The following HADH variants were observed in gnomAD, a reference collection of about 807,000 sequenced individuals.
HADH encodes the protein hydroxyacyl-CoA dehydrogenase.
HADH carries 24 observed loss-of-function variants against 32.2 expected under a neutral mutation model. The ratio of observed to expected loss-of-function variants is 0.75; its 90% CI spans 0.54 to 1.05. The LOEUF (loss-of-function observed/expected upper bound fraction) is 1.05, where lower values mean the gene tolerates loss of function less well. Ranked by LOEUF, HADH falls within the 50% of genes least tolerant of loss-of-function variation. The pLI is 0.00. For missense variants in HADH, 350 were observed against 397.1 expected, an observed-to-expected ratio of 0.88 and a Z score of 1.01; for synonymous variants, 139 against 152.5, an observed-to-expected ratio of 0.91 and a Z score of 0.65.
chr4:108,028,789 A>G (rs1317384365), intron 6 of HADH: 2 of 397,762 alleles, frequency 5.0e-6, no homozygotes, highest in Non-Finnish European at 8.9e-6. Flanking sequence ...TTTAGAATGT[A>G]GCATGTGAGA....
intron 3 of HADH, among the ~76,000 whole-genome samples, chr4:108,016,352 G>C (rs1207565747): frequency 6.6e-6 from 1 of 152,234 alleles, no homozygotes; most frequent in African/African-American, 2.4e-5. Context: ...GAGATGGGTG[G>C]CCTTGTGGCC....
At chr4:108,033,349 T>C (rs1001570147) in intron 7 of HADH, 57 bp downstream of exon 7, 3 of 899,096 alleles carry the variant, frequency 3.3e-6, no homozygotes, top group South Asian at 2.6e-5. Context: ...GAACTGTAAA[T>C]TATAATGCCT....
chr4:108,023,336 T>G, intron 4 of HADH, 138 bp from the exon 5 acceptor site: 15 of 658,956 alleles, frequency 2.3e-5, no homozygotes, highest in Non-Finnish European at 2.5e-5. Context: ...GTTTCTGGCT[T>G]GAGATTCCTA....
chr4:107,997,137 T>C (rs1444544181), intron 1 of HADH, among the ~76,000 whole-genome samples: 1 of 152,250 alleles, frequency 6.6e-6, no homozygotes, highest in African/African-American at 2.4e-5. Context: ...CAGGCCTTGC[T>C]GTTAAGGCGC....
At chr4:108,008,603 T>C (rs1735367629) in intron 1 of HADH, among the ~76,000 whole-genome samples, 1 of 152,166 alleles carries the variant, frequency 6.6e-6, no homozygotes, top group Non-Finnish European at 1.5e-5. Context: ...ATCACGACCA[T>C]GGTTTGGGAC....
At chr4:108,008,477 A>G (rs945704988) in intron 1 of HADH, among the ~76,000 whole-genome samples, 2 of 152,164 alleles carry the variant, frequency 1.3e-5, no homozygotes, top group African/African-American at 4.8e-5. Context: ...TTCTTTGGAA[A>G]TCTTGCCTTG....
At chr4:108,004,230 G>A (rs578129731) in intron 1 of HADH, among the ~76,000 whole-genome samples, 14 of 152,328 alleles carry the variant, frequency 9.2e-5, no homozygotes, top group African/African-American at 3.1e-4. Context: ...CACCTTACAA[G>A]GCAGGTGTTG....
At chr4:108,012,060 T>TA (rs1005514273) in intron 2 of HADH, among the ~76,000 whole-genome samples, 124 of 151,240 alleles carry the variant, frequency 8.2e-4, no homozygotes, top group African/African-American at 2.7e-3. Flanking sequence ...CCCAGCTAAT[T>TA]AAAAAAAAAA....
chr4:108,012,167 G>C (rs751455895), intron 2 of HADH, among the ~76,000 whole-genome samples: 48 of 151,910 alleles, frequency 3.2e-4, no homozygotes, highest in Non-Finnish European at 6.2e-4. Context: ...AAAGTGCTGG[G>C]ATTACAAGCA....
At position 108,032,125 on chromosome 4, in the gene HADH, CTCTTT is replaced by C. The variant is rs61327377; in HGVS notation, c.710-1045_710-1041del. 385,732 of 427,482 alleles carry C rather than the reference CTCTTT, an allele frequency of 0.9. 175,616 individuals are homozygous for C. Among genetic ancestry groups the C allele is most frequent in the East Asian group, 0.97 (29,465 of 30,460 alleles). 26.5% of individuals were successfully genotyped at this position (427,482 alleles called of 1,614,324 possible). A position where few individuals can be genotyped will look rare whatever the true frequency, so the allele number is the denominator to read the frequency against. On this transcript the variant is annotated intron_variant, in intron 6 of 7. Transcript: ENST00000309522. ...TCTCTGAGTGTCTTAACATTTTTCC[CTCTTT>C]TCTTTAGCTTTGATCTGATTGACTT...
chr4:108,028,769 A>C (rs538999859), intron 6 of HADH: 1 of 397,822 alleles, frequency 2.5e-6, no homozygotes, highest in Non-Finnish European at 4.4e-6. Flanking sequence ...TTTTTAACAA[A>C]ATGTAATGTT....
At chr4:107,990,482 A>G (rs1360537719) in intron 1 of HADH, among the ~76,000 whole-genome samples, 1 of 152,150 alleles carries the variant, frequency 6.6e-6, no homozygotes, top group Non-Finnish European at 1.5e-5. Flanking sequence ...TTTTAATTCT[A>G]TCAGTTATTT....
At chr4:108,027,500 T>C in intron 5 of HADH, 188 bp from the exon 6 acceptor site, 1 of 657,874 alleles carries the variant, frequency 1.5e-6, no homozygotes, top group South Asian at 1.7e-5. Context: ...TTTTTTTAAG[T>C]ACTATGATTG....
chr4:108,028,865 A>G, intron 6 of HADH: 2 of 398,494 alleles, frequency 5.0e-6, no homozygotes, highest in Non-Finnish European at 8.8e-6. Context: ...ACCAAGTATC[A>G]GATGGTAAGT....
chr4:107,990,208 T>C (rs1734737443), intron 1 of HADH, 144 bp downstream of exon 1: 2 of 854,762 alleles, frequency 2.3e-6, no homozygotes, highest in Non-Finnish European at 3.6e-6. Flanking sequence ...AGTTGAAATA[T>C]CTCGCGTCTG....
At chr4:108,023,347 C>A in intron 4 of HADH, 127 bp from the exon 5 acceptor site, 1 of 691,784 alleles carries the variant, frequency 1.4e-6, no homozygotes, top group Non-Finnish European at 2.7e-6. Context: ...GAGATTCCTA[C>A]TTCTATGCTG....
At chr4:107,997,630 A>G (rs1194635772) in intron 1 of HADH, among the ~76,000 whole-genome samples, 1 of 152,046 alleles carries the variant, frequency 6.6e-6, no homozygotes, top group Non-Finnish European at 1.5e-5. Flanking sequence ...TAGAAAAGTC[A>G]TGGAGCTGAG....
intron 1 of HADH, among the ~76,000 whole-genome samples, chr4:107,995,160 T>C (rs1480278736): frequency 6.6e-6 from 1 of 152,132 alleles, no homozygotes; most frequent in East Asian, 1.9e-4. Context: ...ATATTCATGA[T>C]GTTATTATTT....
chr4:107,990,061 C>A lies in HADH; in HGVS notation c.129C>A (p.Ala43=). 1 of 1,609,008 alleles carries A rather than the reference C, an allele frequency of 6.2e-7. No individual in the cohort carries two copies. Among genetic ancestry groups the A allele is most frequent in the South Asian group, 1.1e-5 (1 of 90,090 alleles). ...IGGGLMGAGI[A]QVAAATGHTV... is the part of the protein sequence containing the mutation. ...GCGGGCTGATGGGCGCCGGCATTGC[C>A]CAGGTGAGCGGCCCTCCCTGCAGCG... Residue 43 remains alanine, a synonymous_variant, in exon 1 of 8, where the codon GCC becomes GCA. Coordinates refer to ENST00000309522, the MANE Select transcript of HADH (RefSeq NM_005327.7).
Sources: allele counts gnomAD v4.1 joint callset (sites outside exome capture counted in the v4.1 genomes callset), GRCh38; gene constraint gnomAD v4.1.1; transcripts MANE v1.5; gene names NCBI Gene and HGNC (gene_info 2026-07-23, HGNC 2026-07-21).